The following PTPRU variants were observed in gnomAD, a reference collection of about 807,000 sequenced individuals.
The protein encoded by PTPRU is receptor-type tyrosine-protein phosphatase U.
PTPRU carries 69 observed loss-of-function variants against 166.3 expected under a neutral mutation model. The observed-to-expected ratio is 0.41, with a 90% CI of 0.34 to 0.51. The LOEUF (loss-of-function observed/expected upper bound fraction) is 0.51, where lower values mean the gene tolerates loss of function less well. Ranked by LOEUF, PTPRU falls within the 20% of genes least tolerant of loss-of-function variation. The probability of loss-of-function intolerance (pLI) is 0.09; values close to 1 mark genes in which losing one functional copy is unlikely to be tolerated. For synonymous variants in PTPRU, 793 were observed against 814.0 expected (o/e 0.97, Z 0.44); for missense variants, 1,657 against 2,013.7 (o/e 0.82, Z 3.39).
At position 29,260,333 on chromosome 1, in the gene PTPRU, G is replaced by A; in HGVS notation, c.851-277G>A. ...TCTGTGTTGATCCTAGCTGGCCTGCGGTCCGCTCCAGGAGGCGAGGATGTG... is the reference window on the plus strand; with the variant it reads ...TCTGTGTTGATCCTAGCTGGCCTGCAGTCCGCTCCAGGAGGCGAGGATGTG... On this transcript the variant is annotated intron_variant, in intron 6 of 29. Coordinates refer to ENST00000373779, the MANE Select transcript of PTPRU (RefSeq NM_133178.4). The surrounding 1 kb of genome is among the most constrained non-coding windows in gnomAD (Gnocchi z 8.3). 6.4e-6 allele frequency: 3 copies of A among 469,122 alleles called. No homozygotes were observed. Among genetic ancestry groups the A allele is most frequent in the East Asian group, 7.0e-5 (2 of 28,396 alleles). The allele number at this position is 469,122 out of a possible 1,614,324, so 29.1% of individuals were successfully genotyped here.
At chr1:29,307,400 TG>T (rs1285112015) in intron 18 of PTPRU, among the ~76,000 whole-genome samples, 1 of 152,244 alleles carries the variant, frequency 6.6e-6, no homozygotes, top group Non-Finnish European at 1.5e-5. Flanking sequence ...GCAGCAGTGT[TG>T]GGGGTGCTTC....
chr1:29,284,119 G>A, intron 13 of PTPRU, 143 bp downstream of exon 13: 1 of 1,002,974 alleles, frequency 1.0e-6, no homozygotes, highest in Non-Finnish European at 1.5e-6. Context: ...GCTTCCTGCT[G>A]GGTTTCCATG....
At chr1:29,261,282 CTG>C (rs1685055016) in intron 7 of PTPRU, among the ~76,000 whole-genome samples, 1 of 152,172 alleles carries the variant, frequency 6.6e-6, no homozygotes, top group Non-Finnish European at 1.5e-5. Context: ...ACTCCAGAAT[CTG>C]TGTTCTTAAT....
At chr1:29,318,874 C>T (rs913039105) in intron 25 of PTPRU, among the ~76,000 whole-genome samples, 36 of 152,338 alleles carry the variant, frequency 2.4e-4, no homozygotes, top group South Asian at 6.2e-4. Context: ...GTCACTGCTG[C>T]GTCTCTCCAC....
intron 2 of PTPRU, 132 bp from the exon 3 acceptor site, chr1:29,258,373 G>T: frequency 1.0e-6 from 1 of 972,498 alleles, no homozygotes. Flanking sequence ...GGTGGAGCTG[G>T]GGCCAGAACT....
In PTPRU at chr1:29,326,032, G is replaced by A; in HGVS notation, c.*371G>A. 1 of 412,172 alleles carries A rather than the reference G, an allele frequency of 2.4e-6. No homozygotes were observed. Among genetic ancestry groups the A allele is most frequent in the Non-Finnish European group, 4.2e-6 (1 of 235,506 alleles). The allele number at this position is 412,172 out of a possible 1,614,324, so 25.5% of individuals were successfully genotyped here. ...CTGGCTTTTGGCAGGGATGAGTGAGGCCCTGCAGAGAGCATCCCAGGCCAA... is the reference window on the plus strand; with the variant it reads ...CTGGCTTTTGGCAGGGATGAGTGAGACCCTGCAGAGAGCATCCCAGGCCAA... On this transcript the variant is annotated 3_prime_UTR_variant, in exon 30 of 30. Coordinates refer to ENST00000373779, the MANE Select transcript of PTPRU (RefSeq NM_133178.4).
intron 15 of PTPRU, among the ~76,000 whole-genome samples, chr1:29,300,611 C>T (rs892522765): frequency 1.3e-5 from 2 of 152,174 alleles, no homozygotes; most frequent in Non-Finnish European, 2.9e-5. Context: ...TTGGGCATCC[C>T]ACCACAATGG....
Position 29,260,746 on chromosome 1 carries a change from G to T in PTPRU, c.987G>T (p.Gly329=). The change falls in exon 7 of 30, where the codon GGG becomes GGT. Residue 329 remains glycine, a synonymous_variant. Transcript: ENST00000373779. The surrounding 1 kb of genome is among the most constrained non-coding windows in gnomAD (Gnocchi z 8.3). Reference sequence around the variant, plus strand: ...AGATTGAGTACCGCATGGCGCGCGGGCCCTGGGCTGAGGTGCACGCCGTCA... The same window carrying T: ...AGATTGAGTACCGCATGGCGCGCGGTCCCTGGGCTGAGGTGCACGCCGTCA... ...RKEIEYRMAR[G]PWAEVHAVSL... is the part of the protein sequence containing the mutation. The T allele has an allele frequency of 6.2e-7, 1 of 1,611,854 alleles. No homozygotes were observed. Among genetic ancestry groups the T allele is most frequent in the Non-Finnish European group, 8.5e-7 (1 of 1,179,032 alleles).
chr1:29,306,728 A>G (rs1244431638), intron 18 of PTPRU, among the ~76,000 whole-genome samples: 1 of 152,192 alleles, frequency 6.6e-6, no homozygotes, highest in Non-Finnish European at 1.5e-5. Context: ...CGAGGTAGTC[A>G]GGGTCTCTGG....
Position 29,325,984 on chromosome 1 carries a change from AGG to A in PTPRU, c.*324_*325del. The stretch of plus-strand genomic sequence containing the variant: ...CAGGACGGCTGGCTCTGGGGGACTC[AGG>A]CCAAGCCCCTTGGCACCATCCTGGC... On this transcript the variant is annotated 3_prime_UTR_variant, in exon 30 of 30. Transcript: ENST00000373779. 3.4e-5 allele frequency: 15 copies of A among 434,938 alleles called. No individual in the cohort carries two copies. The highest frequency in any genetic ancestry group is 8.2e-5 in the South Asian group (1 of 12,208). 26.9% of individuals were successfully genotyped at this position (434,938 alleles called of 1,614,324 possible).
chr1:29,320,726 G>T lies in PTPRU; in HGVS notation c.3729G>T (p.Pro1243=). 1.2e-6 allele frequency: 2 copies of T among 1,606,772 alleles called. No homozygotes were observed. The highest frequency in any genetic ancestry group is 1.7e-6 in the Non-Finnish European group (2 of 1,174,604). The change falls in exon 26 of 30, where the codon CCG becomes CCT. Residue 1243 remains proline (P), a synonymous_variant. Transcript: ENST00000373779. This position sits in a 1 kb window ranked among gnomAD's most constrained non-coding sequence, Gnocchi z 5.2. ...RSAAFIVTLH[P]LQSTTPDFWR... ...CGGCCTTCATCGTGACCCTGCACCC[G>T]CTGCAGAGCACCACGCCCGACTTCT...
At chr1:29,325,522 A>C (rs1688372090) in intron 29 of PTPRU, 77 bp from the exon 30 acceptor site, 2 of 1,526,918 alleles carry the variant, frequency 1.3e-6, no homozygotes, top group South Asian at 1.2e-5. Flanking sequence ...TTGCCCTCTC[A>C]CTCCCCGTTC....
At chr1:29,292,870 C>G (rs1272387585) in intron 15 of PTPRU, among the ~76,000 whole-genome samples, 6 of 146,834 alleles carry the variant, frequency 4.1e-5, no homozygotes, top group Non-Finnish European at 1.5e-5. Context: ...GGCTGGAGTG[C>G]AGTGGCATGA....
chr1:29,239,163 A>G (rs1310331039), intron 1 of PTPRU, among the ~76,000 whole-genome samples: 4 of 152,046 alleles, frequency 2.6e-5, no homozygotes, highest in Non-Finnish European at 5.9e-5. Context: ...CCCCTTTGTT[A>G]TTCTTAGAGA....
At position 29,316,075 on chromosome 1, in the gene PTPRU, A is replaced by C. The variant is rs1296187624; in HGVS notation, c.3437A>C (p.Glu1146Ala). 2 of 1,614,164 alleles carry C rather than the reference A, an allele frequency of 1.2e-6. No homozygotes were observed. The highest frequency in any genetic ancestry group is 2.2e-5 in the South Asian group (2 of 91,076). The change falls in exon 24 of 30, where the codon GAG becomes GCG. Residue 1146 changes from glutamate to alanine, a missense_variant. Around this residue, in one of 3 missense-constraint regions of PTPRU, gnomAD observed 1,190 missense variants for 1,477.4 expected, o/e 0.81. Transcript: ENST00000373779. ...GGGGAGACCACCATCCCTGTCAGTG[A>C]GTTCAAGGCCACCTACAAGGAGATG... ...LCGETTIPVSEFKATYKEMIR... is the reference protein window; with the variant it reads ...LCGETTIPVSAFKATYKEMIR...
At chr1:29,310,873 C>A in intron 19 of PTPRU, 93 bp downstream of exon 19, 1 of 1,428,282 alleles carries the variant, frequency 7.0e-7, no homozygotes, top group Non-Finnish European at 9.9e-7. Flanking sequence ...CCTGCTGATC[C>A]GCTTGATTCC....
chr1:29,262,173 C>T lies in PTPRU; in HGVS notation c.1144+1270C>T, dbSNP rs1393133312. On this transcript the variant is annotated intron_variant, in intron 7 of 29. Coordinates refer to ENST00000373779, the MANE Select transcript of PTPRU (RefSeq NM_133178.4). ...CTCTTTTATAACCACATTCACCTCC[C>T]TTTCTTCCTCTACTCCCCAACTTTT... Among the ~76,000 whole-genome samples, 4 of 152,346 alleles carry T rather than the reference C, an allele frequency of 2.6e-5. No homozygotes were observed. In the East Asian group the frequency reaches 7.7e-4, roughly 29 times the overall value.
chr1:29,255,198 A>G (rs961714777), intron 1 of PTPRU, 77 bp from the exon 2 acceptor site: 60 of 1,507,992 alleles, frequency 4.0e-5, no homozygotes, highest in Non-Finnish European at 5.3e-5. Flanking sequence ...TAGAAGGGAG[A>G]GTGGGGCTAC....
chr1:29,283,677 G>A (rs779942180), intron 12 of PTPRU: 1 of 507,394 alleles, frequency 2.0e-6, no homozygotes, highest in Non-Finnish European at 3.5e-6. Context: ...CCCGATGCCC[G>A]AGGCCCCGCC....
Sources: gnomAD v4.1 joint callset for allele counts (sites outside exome capture counted in the v4.1 genomes callset) on GRCh38, gnomAD v4.1.1 for gene constraint, gnomAD v4.1.1 regional missense constraint, Gnocchi (gnomAD v3.1) non-coding constraint, MANE v1.5 for transcripts, NCBI Gene and HGNC (gene_info 2026-07-23, HGNC 2026-07-21) for gene names.